The following PCNX3 variants were observed in gnomAD, a reference collection of about 807,000 sequenced individuals.
PCNX3 encodes the protein pecanex 3, also known as pecanex-like protein 3.
In PCNX3, 58 loss-of-function variants were observed where a neutral mutation model predicts 207.2. The observed-to-expected ratio is 0.28, with a 90% CI of 0.23 to 0.35. PCNX3 has a LOEUF of 0.35. Ranked by LOEUF, PCNX3 falls within the 10% of genes least tolerant of loss-of-function variation. The pLI is 1.00. For synonymous variants in PCNX3, 1,337 were observed against 1,183.5 expected (o/e 1.13, Z -2.66); for missense variants, 2,410 against 2,774.4 (o/e 0.87, Z 2.95).
Position 65,629,522 on chromosome 11 carries a change from G to A in PCNX3, c.4003G>A (p.Ala1335Thr), listed in dbSNP as rs534158679. 28 of 1,613,604 alleles carry A rather than the reference G, an allele frequency of 1.7e-5. No homozygotes were observed. The Admixed American group carries it at 2.0e-4, about 12-fold the overall frequency. ...TGCCCGTCTGTTCTGGGTCTTAGGC[G>A]CTGATGACAACAACCTCAACTCCAT... ...LVTQLDRNPG[A>T]DDNNLNSIFY... The change falls in exon 26 of 35, where the codon GCT (alanine) becomes ACT (threonine). Residue 1335 changes from alanine (A) to threonine (T), a missense_variant and splice_region_variant. Physicochemically the swap from Ala to Thr is moderately conservative, Grantham distance 58. Around this residue, in one of 8 missense-constraint regions of PCNX3, gnomAD observed 420 missense variants for 705.3 expected, o/e 0.60. Transcript: ENST00000355703.
chr11:65,628,436 G>C (rs923241451), intron 22 of PCNX3, among the ~76,000 whole-genome samples, 159 bp from the exon 23 acceptor site: 1 of 152,188 alleles, frequency 6.6e-6, no homozygotes, highest in African/African-American at 2.4e-5. Context: ...CAGGCGCCTT[G>C]AGCCATGTCC....
chr11:65,634,010 C>T (rs1325629690), intron 27 of PCNX3, 116 bp from the exon 28 acceptor site: 3 of 949,412 alleles, frequency 3.2e-6, no homozygotes, highest in Non-Finnish European at 4.6e-6. Flanking sequence ...AGGAGCGGGG[C>T]ATCCCAGAAA....
At chr11:65,629,044 G>A in intron 24 of PCNX3, 96 bp downstream of exon 24, 2 of 1,510,704 alleles carry the variant, frequency 1.3e-6, no homozygotes, top group Non-Finnish European at 1.8e-6. Context: ...GCCCACAGCA[G>A]GTATGGGAGG....
intron 11 of PCNX3, among the ~76,000 whole-genome samples, chr11:65,622,606 CTT>C (rs1047912151): frequency 2.1e-3 from 322 of 152,138 alleles, no homozygotes; most frequent in African/African-American, 7.1e-3. Context: ...CTGAAAAAAA[CTT>C]TTTTTGAGAC....
At position 65,635,337 on chromosome 11, in the gene PCNX3, C is replaced by T. The variant is rs1325885108; in HGVS notation, c.5073C>T (p.Ile1691=). 2 of 1,608,724 alleles carry T rather than the reference C, an allele frequency of 1.2e-6. No homozygotes were observed. Among genetic ancestry groups the T allele is most frequent in the South Asian group, 1.1e-5 (1 of 90,450 alleles). The part of the protein sequence containing the change: ...HEGDPAWRSA[I]LSNTPSLLAL... ...GTGACCCAGCATGGCGCAGCGCCAT[C>T]CTCAGCAACACGCCCTCCCTGCTGG... is the stretch of plus-strand genomic sequence containing the variant. The change falls in exon 31 of 35, where the codon ATC becomes ATT. Residue 1691 remains isoleucine (I), a synonymous_variant. Transcript: ENST00000355703. This position sits in a 1 kb window ranked among gnomAD's most constrained non-coding sequence, Gnocchi z 9.9.
Position 65,619,025 on chromosome 11 carries a change from G to A in PCNX3, c.1663G>A (p.Gly555Ser). 1.9e-6 allele frequency: 3 copies of A among 1,594,368 alleles called. No homozygotes were observed. The highest frequency in any genetic ancestry group is 1.1e-5 in the South Asian group (1 of 90,198). ...ARRGPAANQP[G>S]WRGELQEEGA... ...AAGGGGACCCGCTGCCAACCAGCCC[G>A]GCTGGCGGGGGGAGCTGCAGGAGGA... Residue 555 changes from glycine (G) to serine (S), a missense_variant, in exon 6 of 35, where the codon GGC becomes AGC. Gly to Ser is a moderately conservative substitution (Grantham distance 56, BLOSUM62 0). Around this residue, in one of 8 missense-constraint regions of PCNX3, gnomAD observed 1,104 missense variants for 970.3 expected, o/e 1.14. Transcript: ENST00000355703.
rs1285658228 is a variant in PCNX3 at position 65,619,760 on chromosome 11, G to A, written c.1836G>A (p.Leu612=). ...ASVMGSPPSS[L]QEAQRGRAAS... is the part of the protein sequence containing the mutation. The stretch of plus-strand genomic sequence containing the variant: ...TGGGGCTGACCCTCTCCAGCAGCCT[G>A]CAGGAAGCTCAGCGGGGCCGGGCTG... The change falls in exon 8 of 35, where the codon CTG becomes CTA. Residue 612 remains leucine (L), a synonymous_variant. Transcript: ENST00000355703. 1 of 1,568,764 alleles carries A rather than the reference G, an allele frequency of 6.4e-7. No individual in the cohort carries two copies. Among genetic ancestry groups the A allele is most frequent in the Admixed American group, 1.8e-5 (1 of 55,350 alleles).
At chr11:65,620,318 A>C in intron 8 of PCNX3, 21 bp from the exon 9 acceptor site, 1 of 1,603,678 alleles carries the variant, frequency 6.2e-7, no homozygotes, top group East Asian at 2.2e-5. Flanking sequence ...ACGCTGCCTC[A>C]TCTCCCATAC....
intron 8 of PCNX3, 27 bp downstream of exon 8, chr11:65,619,959 C>A: frequency 6.3e-7 from 1 of 1,576,690 alleles, no homozygotes; most frequent in Non-Finnish European, 8.6e-7. Context: ...CCCGGTGGCC[C>A]AGTGCCTCCC....
At chr11:65,623,887 G>A (rs2135434781) in intron 12 of PCNX3, 42 bp from the exon 13 acceptor site, 1 of 1,612,124 alleles carries the variant, frequency 6.2e-7, no homozygotes, top group African/African-American at 1.3e-5. Flanking sequence ...ACCATCCCGT[G>A]GGCATCGGCT....
chr11:65,619,031 C>G lies in PCNX3; in HGVS notation c.1669C>G (p.Arg557Gly). Residue 557 changes from arginine to glycine, a missense_variant, in exon 6 of 35, where the codon CGG becomes GGG. Around this residue, in one of 8 missense-constraint regions of PCNX3, gnomAD observed 1,104 missense variants for 970.3 expected, o/e 1.14. Transcript: ENST00000355703. ...RGPAANQPGW[R>G]GELQEEGAVG... Reference sequence around the variant, plus strand: ...ACCCGCTGCCAACCAGCCCGGCTGGCGGGGGGAGCTGCAGGAGGAAGGTGC... The same window carrying G: ...ACCCGCTGCCAACCAGCCCGGCTGGGGGGGGGAGCTGCAGGAGGAAGGTGC... The G allele has an allele frequency of 1.3e-5, 20 of 1,591,848 alleles. No homozygotes were observed. Among genetic ancestry groups the G allele is most frequent in the Non-Finnish European group, 1.4e-5 (17 of 1,176,750 alleles).
chr11:65,616,319 C>T lies in PCNX3; in HGVS notation c.8C>T (p.Ser3Leu). The T allele has an allele frequency of 6.3e-7, 1 of 1,585,522 alleles. No individual in the cohort carries two copies. ...GGCAGCAGCGGCGGGGCCATGGGGTCGCAGGTGTTGCAGATCCTGCGCCAG... is the reference window on the plus strand; with the variant it reads ...GGCAGCAGCGGCGGGGCCATGGGGTTGCAGGTGTTGCAGATCCTGCGCCAG... MG[S>L]QVLQILRQGV... Residue 3 changes from serine to leucine, a missense_variant, in exon 1 of 35, where the codon TCG (serine) becomes TTG (leucine). By Grantham distance (145) the Ser-to-Leu change is moderately radical. Coordinates refer to ENST00000355703, the MANE Select transcript of PCNX3 (RefSeq NM_032223.4).
chr11:65,631,395 G>T (rs1039504839), intron 27 of PCNX3, among the ~76,000 whole-genome samples: 14 of 152,320 alleles, frequency 9.2e-5, no homozygotes, highest in South Asian at 2.1e-4. Context: ...GGTGGCTCAT[G>T]CCTGTAATCC....
chr11:65,621,071 C>T (rs1020187377), intron 10 of PCNX3, 105 bp downstream of exon 10: 25 of 1,410,784 alleles, frequency 1.8e-5, no homozygotes, highest in African/African-American at 4.3e-5. Flanking sequence ...CCAGGAGGGA[C>T]GGGCAGTGCT....
Position 65,637,373 on chromosome 11 carries a change from T to C in PCNX3, c.*395T>C. The C allele has an allele frequency of 5.7e-6, 1 of 174,320 alleles. No individual in the cohort carries two copies. The highest frequency in any genetic ancestry group is 1.1e-5 in the Non-Finnish European group (1 of 87,994). 10.8% of individuals were successfully genotyped at this position (174,320 alleles called of 1,614,324 possible). A position where few individuals can be genotyped will look rare whatever the true frequency, so the allele number is the denominator to read the frequency against. On this transcript the variant is annotated 3_prime_UTR_variant, in exon 35 of 35. Coordinates refer to ENST00000355703, the MANE Select transcript of PCNX3 (RefSeq NM_032223.4). ...TGGTTTCTTTCTTTCCTTTTTTTTC[T>C]TTTCTTTTTTTTTTTTTTTTTTGTG... is the stretch of plus-strand genomic sequence containing the variant.
rs764772223 is a variant in PCNX3 at position 65,627,597 on chromosome 11, G to A, written c.3702+15G>A. 11 of 1,613,026 alleles carry A rather than the reference G, an allele frequency of 6.8e-6. No homozygotes were observed. Among genetic ancestry groups the A allele is most frequent in the Non-Finnish European group, 9.3e-6 (11 of 1,179,426 alleles). ...TTTGCAGCAAGGTGAGTTGGTGGCT[G>A]TGGCCCAGACCCCAGGCTGTCCAAT... On this transcript the variant is annotated intron_variant, in intron 22 of 34. Coordinates refer to ENST00000355703, the MANE Select transcript of PCNX3 (RefSeq NM_032223.4).
At position 65,620,934 on chromosome 11, in the gene PCNX3, C is replaced by A; in HGVS notation, c.2203C>A (p.Gln735Lys). The A allele has an allele frequency of 6.4e-7, 1 of 1,553,938 alleles. No individual in the cohort carries two copies. Among genetic ancestry groups the A allele is most frequent in the Non-Finnish European group, 8.7e-7 (1 of 1,149,014 alleles). ...GAGGCCTGTGGTTCTGCAGGGCATG[C>A]AGGTGCGCCGGGTGCCCCTGGAGAT... Reference protein sequence around the residue: ...QPRPVVLQGMQVRRVPLEIPE... With the variant: ...QPRPVVLQGMKVRRVPLEIPE... The change falls in exon 10 of 35, where the codon CAG becomes AAG. Residue 735 changes from glutamine to lysine, a missense_variant. Physicochemically the swap from Gln to Lys is moderately conservative, Grantham distance 53. Around this residue, in one of 8 missense-constraint regions of PCNX3, gnomAD observed 177 missense variants for 257.5 expected, o/e 0.69. Coordinates refer to ENST00000355703, the MANE Select transcript of PCNX3 (RefSeq NM_032223.4).
At position 65,628,637 on chromosome 11, in the gene PCNX3, A is replaced by G. The variant is rs1565166963; in HGVS notation, c.3745A>G (p.Ile1249Val). 2.5e-6 allele frequency: 4 copies of G among 1,613,556 alleles called. No homozygotes were observed. Among genetic ancestry groups the G allele is most frequent in the South Asian group, 1.1e-5 (1 of 91,076 alleles). The change falls in exon 23 of 35, where the codon ATC (isoleucine) becomes GTC (valine). Residue 1249 changes from isoleucine to valine, a missense_variant. Ile to Val is a conservative substitution (Grantham distance 29, BLOSUM62 3). This residue lies in a region of PCNX3 where 420 missense variants were observed against 705.3 expected (regional missense o/e 0.60). Transcript: ENST00000355703. ...CAAGCTGCGTTTCGTGCTGACCTAC[A>G]TCGCGCCCTGGCAGATCACCTGGGG... ...LYKLRFVLTY[I>V]APWQITWGSA...
rs763285390 is a variant in PCNX3 at position 65,619,798 on chromosome 11, G to A, written c.1874G>A (p.Arg625Gln). The stretch of plus-strand genomic sequence containing the variant: ...CGGGGCCGGGCTGCCTCCCACTCCC[G>A]GGCGCTGACGCTGCCCTCTGCGCTG... ...AQRGRAASHS[R>Q]ALTLPSALHF... The change falls in exon 8 of 35, where the codon CGG becomes CAG. Residue 625 changes from arginine to glutamine, a missense_variant. Coordinates refer to ENST00000355703, the MANE Select transcript of PCNX3 (RefSeq NM_032223.4). 91 of 1,589,348 alleles carry A rather than the reference G, an allele frequency of 5.7e-5. No individual in the cohort carries two copies. Among genetic ancestry groups the A allele is most frequent in the Non-Finnish European group, 7.2e-5 (84 of 1,173,378 alleles).
Sources: allele counts gnomAD v4.1 joint callset (sites outside exome capture counted in the v4.1 genomes callset), GRCh38; gene constraint gnomAD v4.1.1; regional missense constraint gnomAD v4.1.1; non-coding constraint Gnocchi (gnomAD v3.1); transcripts MANE v1.5; gene names NCBI Gene and HGNC (gene_info 2026-07-23, HGNC 2026-07-21).